WASF2: variants seen among roughly 807,000 people sequenced by gnomAD.
WASF2 encodes the protein actin-binding protein WASF2.
A neutral mutation model predicts 45.0 loss-of-function variants in WASF2; 14 were observed. The ratio of observed to expected loss-of-function variants is 0.31; its 90% confidence interval spans 0.21 to 0.49. WASF2 has a LOEUF of 0.49. WASF2 is among the 20% of genes least tolerant of loss of function. The pLI, the probability that WASF2 is intolerant of heterozygous loss-of-function variation, is 0.99. For missense variants in WASF2, 439 were observed against 636.1 expected, an observed-to-expected ratio of 0.69 and a Z score of 3.33; for synonymous variants, 200 against 236.3, an observed-to-expected ratio of 0.85 and a Z score of 1.41.
Position 27,427,648 on chromosome 1 carries a change from C to T in WASF2, c.130+1113G>A, listed in dbSNP as rs1471081025. 7.9e-5 allele frequency among the ~76,000 whole-genome samples: 12 copies of T among 152,304 alleles called. No homozygotes were observed. The East Asian group carries it at 1.9e-3, about 24-fold the overall frequency. On this transcript the variant is annotated intron_variant, in intron 2 of 8. Transcript: ENST00000618852. Reference sequence around the variant, plus strand: ...CTGAGGTAGGTGAAGGCTTAGGAATCTCAGACTCCATACATCATCTGGTCA... The same window carrying T: ...CTGAGGTAGGTGAAGGCTTAGGAATTTCAGACTCCATACATCATCTGGTCA...
At chr1:27,453,680 C>G (rs982319204) in intron 1 of WASF2, among the ~76,000 whole-genome samples, 1 of 150,844 alleles carries the variant, frequency 6.6e-6, no homozygotes, top group Non-Finnish European at 1.5e-5. Flanking sequence ...ATCATGAAGT[C>G]AGGAGATTAA....
intron 4 of WASF2, among the ~76,000 whole-genome samples, chr1:27,416,787 G>T (rs1258959343): frequency 6.6e-6 from 1 of 152,232 alleles, no homozygotes; most frequent in Non-Finnish European, 1.5e-5. Flanking sequence ...GGCTGTGCCA[G>T]TGGGACAGAG....
chr1:27,448,131 T>C (rs1230839559), intron 1 of WASF2, among the ~76,000 whole-genome samples: 1 of 152,256 alleles, frequency 6.6e-6, no homozygotes, highest in Non-Finnish European at 1.5e-5. Context: ...AAGTCCTTTT[T>C]TGAGCCTTAG....
chr1:27,468,190 AAC>A (rs1289304416), intron 1 of WASF2, among the ~76,000 whole-genome samples: 1 of 152,156 alleles, frequency 6.6e-6, no homozygotes, highest in Non-Finnish European at 1.5e-5. Context: ...TCTGTTAGAC[AAC>A]ACTCTCTAGA....
Position 27,428,877 on chromosome 1 carries a change from G to T in WASF2, c.14C>A (p.Thr5Lys). 1 of 1,614,048 alleles carries T rather than the reference G, an allele frequency of 6.2e-7. No homozygotes were observed. Among genetic ancestry groups the T allele is most frequent in the Non-Finnish European group, 8.5e-7 (1 of 1,180,020 alleles). ...CAGGTGCCTTGGCTCGATGTTCCTC[G>T]TTACTAACGGCATGGTGGACCTGCT... MPLV[T>K]RNIEPRHLCR... is the part of the protein sequence containing the mutation. Residue 5 changes from threonine to lysine, a missense_variant, in exon 2 of 9, where the codon ACG becomes AAG. Transcript: ENST00000618852.
At chr1:27,418,893 G>A in intron 3 of WASF2, 61 bp downstream of exon 3, 2 of 1,545,932 alleles carry the variant, frequency 1.3e-6, no homozygotes, top group South Asian at 2.4e-5. Context: ...ATAAATCAGG[G>A]AAAAAAAATT....
intron 1 of WASF2, among the ~76,000 whole-genome samples, chr1:27,436,431 TG>T (rs1195080910): frequency 6.6e-6 from 1 of 152,040 alleles, no homozygotes; most frequent in Non-Finnish European, 1.5e-5. Context: ...CACTCCAGCC[TG>T]GGTGACAGAG....
rs1464857212 is a variant in WASF2 at position 27,405,133 on chromosome 1, G to T, written c.*3056C>A. ...TCAGAGGATGGGCGCCACGGGAAGAGATTTCACATTAGCCGTGACAACACC... is the reference window on the plus strand; with the variant it reads ...TCAGAGGATGGGCGCCACGGGAAGATATTTCACATTAGCCGTGACAACACC... On this transcript the variant is annotated 3_prime_UTR_variant, in exon 9 of 9. Coordinates refer to ENST00000618852, the MANE Select transcript of WASF2 (RefSeq NM_006990.5). The T allele has an allele frequency of 6.6e-6, 1 of 152,322 alleles. No individual in the cohort carries two copies. Among genetic ancestry groups the T allele is most frequent in the Non-Finnish European group, 1.5e-5 (1 of 68,086 alleles). 9.4% of individuals were successfully genotyped at this position (152,322 alleles called of 1,614,324 possible).
rs138370798 is a variant in WASF2, at chr1:27,480,619, G to A, written c.-44+9367C>T. On this transcript the variant is annotated intron_variant, in intron 1 of 8. Transcript: ENST00000618852. ...GCCAGGTATGGAGGAAGGAGAGGAG[G>A]TTTCAAATCAAAATACTTGAGAGTA... 8.9e-4 allele frequency among the ~76,000 whole-genome samples: 136 copies of A among 152,234 alleles called. 1 individual carries two copies. Among genetic ancestry groups the A allele is most frequent in the African/African-American group, 3.1e-3 (130 of 41,538 alleles).
chr1:27,434,273 C>A (rs1010725620), intron 1 of WASF2, among the ~76,000 whole-genome samples: 1 of 152,164 alleles, frequency 6.6e-6, no homozygotes, highest in Non-Finnish European at 1.5e-5. Context: ...GAAAGTCAGA[C>A]TAGATGACCT....
chr1:27,451,077 T>A (rs1360172615), intron 1 of WASF2, among the ~76,000 whole-genome samples: 2 of 152,024 alleles, frequency 1.3e-5, no homozygotes, highest in Non-Finnish European at 2.9e-5. Flanking sequence ...ACATATATAT[T>A]GTCTTTGTAT....
chr1:27,419,235 T>C, intron 2 of WASF2, 147 bp from the exon 3 acceptor site: 1 of 766,134 alleles, frequency 1.3e-6, no homozygotes, highest in East Asian at 2.7e-5. Flanking sequence ...TATATGCAGA[T>C]GACTGCTCTT....
intron 1 of WASF2, among the ~76,000 whole-genome samples, chr1:27,475,733 T>G (rs1055858452): frequency 3.3e-5 from 5 of 152,166 alleles, no homozygotes. Context: ...GTTCAAGTGA[T>G]CCTCCCACTT....
intron 1 of WASF2, among the ~76,000 whole-genome samples, chr1:27,484,535 C>T (rs1031340454): frequency 2.0e-5 from 3 of 152,024 alleles, no homozygotes; most frequent in South Asian, 2.1e-4. Flanking sequence ...AGGCCGGGCG[C>T]GGTGGTTCAT....
chr1:27,485,633 T>C (rs947299082), intron 1 of WASF2, among the ~76,000 whole-genome samples: 21 of 152,242 alleles, frequency 1.4e-4, no homozygotes, highest in Non-Finnish European at 2.9e-4. Context: ...TTCTATGTAA[T>C]ATTGTTTTTA....
At chr1:27,465,512 C>T (rs1318957089) in intron 1 of WASF2, among the ~76,000 whole-genome samples, 1 of 152,106 alleles carries the variant, frequency 6.6e-6, no homozygotes, top group South Asian at 2.1e-4. Context: ...CTAGGTTTTC[C>T]CCCAATTAGC....
rs777021949 is a variant in WASF2, at chr1:27,477,898, C to CAAAA, written c.-44+12084_-44+12087dup. ...TGGGCTACAGAGCGAGACTCCGTCT[C>CAAAA]AAAAAAAAAAAATAAATAAATAAAA... On this transcript the variant is annotated intron_variant, in intron 1 of 8. Coordinates refer to ENST00000618852, the MANE Select transcript of WASF2 (RefSeq NM_006990.5). 6.8e-4 allele frequency among the ~76,000 whole-genome samples: 34 copies of CAAAA among 49,926 alleles called. 1 individual carries two copies. Among genetic ancestry groups the CAAAA allele is most frequent in the Non-Finnish European group, 1.0e-3 (30 of 29,572 alleles). The allele number at this position is 49,926 out of a possible 152,430, so 32.8% of individuals were successfully genotyped here.
chr1:27,424,649 T>C (rs1392698646), intron 2 of WASF2, among the ~76,000 whole-genome samples: 3 of 151,910 alleles, frequency 2.0e-5, no homozygotes, highest in Admixed American at 6.6e-5. Context: ...GCCTTCCAAA[T>C]AGCTGCAAGT....
chr1:27,472,188 G>A (rs150448477), intron 1 of WASF2, among the ~76,000 whole-genome samples: 6,794 of 151,670 alleles, frequency 0.045, 648 homozygotes, highest in East Asian at 0.37. Context: ...AAAATTAGCC[G>A]GGCATGGTGG....
Sources: allele counts gnomAD v4.1 joint callset (sites outside exome capture counted in the v4.1 genomes callset), GRCh38; gene constraint gnomAD v4.1.1; transcripts MANE v1.5; gene names NCBI Gene and HGNC (gene_info 2026-07-23, HGNC 2026-07-21).